UBFD1: variants seen among roughly 807,000 people sequenced by gnomAD.
UBFD1 encodes ubiquitin domain-containing protein UBFD1.
A neutral mutation model predicts 35.1 loss-of-function variants in UBFD1; 12 were observed. That is an observed-to-expected ratio of 0.34 (90% confidence interval 0.22 to 0.55). The LOEUF is 0.55. Among genes scored for constraint, UBFD1 ranks in the 20% least tolerant of loss-of-function variants. The pLI is 0.89. For missense variants in UBFD1, 337 were observed against 410.8 expected, an observed-to-expected ratio of 0.82 and a Z score of 1.55; for synonymous variants, 178 against 167.6, an observed-to-expected ratio of 1.06 and a Z score of -0.48.
rs1365220122 is a variant in UBFD1, at chr16:23,570,606, T to C, written c.*16T>C. 1.2e-6 allele frequency: 2 copies of C among 1,608,454 alleles called. No individual in the cohort carries two copies. The highest frequency in any genetic ancestry group is 2.7e-5 in the African/African-American group (2 of 74,920). On this transcript the variant is annotated 3_prime_UTR_variant, in exon 7 of 7. Transcript: ENST00000395878. Reference sequence around the variant, plus strand: ...GTATTTTTGAAAGCACTTTCACCTCTGGCCCAGGAGACTGACCCAAAGTGA... The same window carrying C: ...GTATTTTTGAAAGCACTTTCACCTCCGGCCCAGGAGACTGACCCAAAGTGA...
At chr16:23,570,276 C>T (rs1966065903) in intron 6 of UBFD1, among the ~76,000 whole-genome samples, 1 of 152,194 alleles carries the variant, frequency 6.6e-6, no homozygotes, top group South Asian at 2.1e-4. Flanking sequence ...GGTTTGAGAA[C>T]TGCTGCTTTA....
chr16:23,561,602 A>C (rs1965934775), intron 3 of UBFD1: 2 of 152,242 alleles, frequency 1.3e-5, no homozygotes, highest in Admixed American at 1.3e-4. Context: ...GTTCCTGTTT[A>C]GCTGGAGTTA....
chr16:23,559,860 A>T (rs180704565), intron 3 of UBFD1, 184 bp downstream of exon 3: 589 of 1,534,548 alleles, frequency 3.8e-4, no homozygotes, highest in South Asian at 1.5e-3. Context: ...ACTTTGTCTC[A>T]TCTGGCGGGT....
At chr16:23,567,321 T>C (rs755830371) in intron 6 of UBFD1, among the ~76,000 whole-genome samples, 1 of 152,264 alleles carries the variant, frequency 6.6e-6, no homozygotes, top group Non-Finnish European at 1.5e-5. Context: ...TTACCTCTTT[T>C]AGAAAAGTCT....
Position 23,562,678 on chromosome 16 carries a change from A to G in UBFD1, c.684A>G (p.Lys228=), listed in dbSNP as rs1266142450. Residue 228 remains lysine, a synonymous_variant, in exon 5 of 7, where the codon AAA becomes AAG. Coordinates refer to ENST00000395878, the MANE Select transcript of UBFD1 (RefSeq NM_019116.3). The part of the protein sequence containing the change: ...LSGMYNKSGG[K]VRLTFKLEQD... Reference sequence around the variant, plus strand: ...GCATGTACAATAAATCTGGAGGAAAAGTGAGACTCACCTTTAAACTAGAAC... The same window carrying G: ...GCATGTACAATAAATCTGGAGGAAAGGTGAGACTCACCTTTAAACTAGAAC... The G allele has an allele frequency of 6.2e-7, 1 of 1,614,062 alleles. No individual in the cohort carries two copies. The highest frequency in any genetic ancestry group is 1.3e-5 in the African/African-American group (1 of 74,932).
rs1966104571 is a variant in UBFD1 at position 23,572,855 on chromosome 16, C to T, written c.*2265C>T. On this transcript the variant is annotated 3_prime_UTR_variant, in exon 7 of 7. Transcript: ENST00000395878. ...TTTGAGTATTGCTTTACAGAGCTCA[C>T]TAAATCAGCTTCAACAATCTTGAGC... is the stretch of plus-strand genomic sequence containing the variant. 1 of 152,202 alleles carries T rather than the reference C, an allele frequency of 6.6e-6. No homozygotes were observed. Among genetic ancestry groups the T allele is most frequent in the South Asian group, 2.1e-4 (1 of 4,826 alleles). The allele number at this position is 152,202 out of a possible 1,614,324, so 9.4% of individuals were successfully genotyped here.
rs147643238 is a variant in UBFD1, at chr16:23,558,688, A to G, written c.355+409A>G. 4.6e-5 allele frequency among the ~76,000 whole-genome samples: 7 copies of G among 152,168 alleles called. No individual in the cohort carries two copies. The East Asian group carries it at 1.2e-3, about 25-fold the overall frequency. ...TAAGTGAAGTTTAGGAAACGCTGCT[A>G]TTGACTTTGATGCTGGTTCTTCACA... On this transcript the variant is annotated intron_variant, in intron 2 of 6. Transcript: ENST00000395878.
chr16:23,567,142 G>A lies in UBFD1; in HGVS notation c.819+73G>A. The A allele has an allele frequency of 1.4e-6, 2 of 1,427,990 alleles. 1 individual carries two copies. The highest frequency in any genetic ancestry group is 2.4e-5 in the South Asian group (2 of 83,212). The allele number at this position is 1,427,990 out of a possible 1,614,324, so 88.5% of individuals were successfully genotyped here. ...CACCTGGCAGGGAACAGTTTTAACT[G>A]AGCTTGTTTAACGGAAGAAAACTCA... is the stretch of plus-strand genomic sequence containing the variant. On this transcript the variant is annotated intron_variant, in intron 6 of 6. Transcript: ENST00000395878.
rs939667370 is a variant in UBFD1 at position 23,572,224 on chromosome 16, T to G, written c.*1634T>G. 2 of 152,640 alleles carry G rather than the reference T, an allele frequency of 1.3e-5. No individual in the cohort carries two copies. The highest frequency in any genetic ancestry group is 4.8e-5 in the African/African-American group (2 of 41,444). 9.5% of individuals were successfully genotyped at this position (152,640 alleles called of 1,614,324 possible). A position where few individuals can be genotyped will look rare whatever the true frequency, so the allele number is the denominator to read the frequency against. On this transcript the variant is annotated 3_prime_UTR_variant, in exon 7 of 7. Coordinates refer to ENST00000395878, the MANE Select transcript of UBFD1 (RefSeq NM_019116.3). ...GCATCTAGGCAGGAAAATCTACTCT[T>G]TGCTTTTTTGGGGGCAATTAGTACA...
chr16:23,567,440 A>T (rs1227806137), intron 6 of UBFD1, among the ~76,000 whole-genome samples: 2 of 152,258 alleles, frequency 1.3e-5, no homozygotes, highest in Non-Finnish European at 2.9e-5. Flanking sequence ...TTATAAAACA[A>T]AACTTGCCCT....
chr16:23,566,906 G>C, intron 5 of UBFD1, 81 bp from the exon 6 acceptor site: 1 of 1,368,846 alleles, frequency 7.3e-7, no homozygotes, highest in Non-Finnish European at 1.0e-6. Context: ...GCAGCCACCA[G>C]CCCTGATGAG....
intron 5 of UBFD1, chr16:23,565,970 C>T (rs1199665435): frequency 6.6e-6 from 1 of 152,118 alleles, no homozygotes; most frequent in Non-Finnish European, 1.5e-5. Context: ...TTGGCTCACT[C>T]CCGGCAGTCT....
rs763513980 is a variant in UBFD1 at position 23,557,915 on chromosome 16, C to T, written c.26-35C>T. On this transcript the variant is annotated intron_variant, in intron 1 of 6. Transcript: ENST00000395878. The stretch of plus-strand genomic sequence containing the variant: ...GACAGCGTCCGTTCCCAAGCCCAGC[C>T]CGCGGCGAGCGCCCACCCCCTAACC... The T allele has an allele frequency of 9.3e-6, 12 of 1,292,174 alleles. No homozygotes were observed. In the South Asian group the frequency reaches 3.3e-4, roughly 36 times the overall value. 80.0% of individuals were successfully genotyped at this position (1,292,174 alleles called of 1,614,324 possible).
At chr16:23,567,466 T>C (rs534370030) in intron 6 of UBFD1, among the ~76,000 whole-genome samples, 1 of 152,300 alleles carries the variant, frequency 6.6e-6, no homozygotes, top group East Asian at 1.9e-4. Flanking sequence ...TTGGTGTTGG[T>C]GAGGGCACCA....
chr16:23,562,022 T>A, intron 3 of UBFD1, 184 bp from the exon 4 acceptor site: 1 of 578,086 alleles, frequency 1.7e-6, no homozygotes, highest in Non-Finnish European at 3.0e-6. Flanking sequence ...TACGAACATA[T>A]TCGCCCTCCC....
intron 3 of UBFD1, among the ~76,000 whole-genome samples, chr16:23,560,299 G>A (rs937813579): frequency 6.6e-5 from 10 of 152,122 alleles, no homozygotes; most frequent in African/African-American, 1.9e-4. Flanking sequence ...ATTCTTTCAC[G>A]TAACGAGGAA....
rs190770015 is a variant in UBFD1, at chr16:23,573,321, C to T, written c.*2731C>T. On this transcript the variant is annotated 3_prime_UTR_variant, in exon 7 of 7. Transcript: ENST00000395878. Reference sequence around the variant, plus strand: ...AGACATTGGACACCTCTCAGAGCCTCCTGAGGGCTTCTTTGTCTTCTAGAA... The same window carrying T: ...AGACATTGGACACCTCTCAGAGCCTTCTGAGGGCTTCTTTGTCTTCTAGAA... 1.3e-5 allele frequency: 2 copies of T among 152,304 alleles called. No individual in the cohort carries two copies. Among genetic ancestry groups the T allele is most frequent in the East Asian group, 3.9e-4 (2 of 5,186 alleles). The allele number at this position is 152,304 out of a possible 1,614,324, so 9.4% of individuals were successfully genotyped here.
Position 23,557,950 on chromosome 16 carries a change from G to T in UBFD1, c.26G>T (p.Gly9Val). The T allele has an allele frequency of 1.5e-6, 2 of 1,351,652 alleles. No homozygotes were observed. Among genetic ancestry groups the T allele is most frequent in the South Asian group, 2.5e-5 (1 of 39,508 alleles). 83.7% of individuals were successfully genotyped at this position (1,351,652 alleles called of 1,614,324 possible). ...CGCCCACCCCCTAACCCCCTTGCAG[G>T]CATGGAGGAACCTGGCATGGACACG... MAAAGAPD[G>V]MEEPGMDTEA... The change falls in exon 2 of 7, where the codon GGC becomes GTC. Residue 9 changes from glycine to valine, a missense_variant and splice_region_variant. Transcript: ENST00000395878.
intron 3 of UBFD1, 179 bp from the exon 4 acceptor site, chr16:23,562,027 C>T: frequency 3.4e-6 from 2 of 579,852 alleles, no homozygotes; most frequent in South Asian, 4.6e-5. Context: ...ACATATTCGC[C>T]CTCCCAGAAA....
Sources: allele counts gnomAD v4.1 joint callset (sites outside exome capture counted in the v4.1 genomes callset), GRCh38; gene constraint gnomAD v4.1.1; transcripts MANE v1.5; gene names NCBI Gene and HGNC (gene_info 2026-07-23, HGNC 2026-07-21).